Variants in IFT56 observed in about 807,000 individuals in gnomAD.
IFT56 encodes the protein intraflagellar transport 56.
At chr7:139,161,100 A>G in the IFT56 span, 1 of 1,312,222 alleles carries the variant, frequency 7.6e-7, no homozygotes, top group Non-Finnish European at 1.1e-6. Flanking sequence ...AAAGATTAAT[A>G]AAAGGAGATG....
At chr7:139,150,863 T>C in the IFT56 span, among the ~76,000 whole-genome samples, 2 of 152,224 alleles carry the variant, frequency 1.3e-5, no homozygotes, top group Non-Finnish European at 2.9e-5. Context: ...AATGCAGATC[T>C]CAAACTTTTG....
chr7:139,183,430 TG>T, the IFT56 span, among the ~76,000 whole-genome samples: 1 of 152,154 alleles, frequency 6.6e-6, no homozygotes, highest in Non-Finnish European at 1.5e-5. Context: ...CTTCCTTTTG[TG>T]GGGATCACAC....
chr7:139,172,740 G>A, the IFT56 span: 1 of 630,996 alleles, frequency 1.6e-6, no homozygotes, highest in African/African-American at 1.8e-5. Context: ...ATGTAAGAGG[G>A]TGGAAGCGGC....
At chr7:139,139,590 G>C in the IFT56 span, among the ~76,000 whole-genome samples, 1 of 152,170 alleles carries the variant, frequency 6.6e-6, no homozygotes, top group Non-Finnish European at 1.5e-5. Flanking sequence ...GTCTTTTTAA[G>C]TTAGCAGAAA....
chr7:139,143,836 T>G, the IFT56 span, among the ~76,000 whole-genome samples: 1 of 152,122 alleles, frequency 6.6e-6, no homozygotes, highest in Admixed American at 6.5e-5. Context: ...TTGCTAGTTA[T>G]GTACATTGGG....
At chr7:139,147,358 G>C in the IFT56 span, 1 of 1,353,418 alleles carries the variant, frequency 7.4e-7, no homozygotes, top group Non-Finnish European at 1.0e-6. Flanking sequence ...ACTAGTTTGA[G>C]AATCTAGTGT....
At chr7:139,178,459 T>TG in the IFT56 span, 1 of 1,515,820 alleles carries the variant, frequency 6.6e-7, no homozygotes, top group Non-Finnish European at 9.2e-7. Context: ...GTATAACTGA[T>TG]GGTTATATTT....
At chr7:139,173,011 G>A in the IFT56 span, 9 of 726,558 alleles carry the variant, frequency 1.2e-5, no homozygotes, top group Admixed American at 7.1e-5. Flanking sequence ...GTCACAGTTG[G>A]TGGTGTGGCT....
At chr7:139,134,662 C>A in the IFT56 span, 1 of 1,606,122 alleles carries the variant, frequency 6.2e-7, no homozygotes. Flanking sequence ...CAGATGCTTT[C>A]AAGGGCCAAA....
At chr7:139,157,139 CTTTT>C in the IFT56 span, among the ~76,000 whole-genome samples, 12 of 82,146 alleles carry the variant, frequency 1.5e-4, no homozygotes, top group East Asian at 3.4e-4. Context: ...TCTTTAATTT[CTTTT>C]TTTTTTTTTT....
chr7:139,190,885 T>C, the IFT56 span: 1 of 152,186 alleles, frequency 6.6e-6, no homozygotes, highest in East Asian at 1.9e-4. Flanking sequence ...TAGAAGAGAA[T>C]AGATGGGAAG....
At chr7:139,137,246 G>C in the IFT56 span, among the ~76,000 whole-genome samples, 1 of 152,084 alleles carries the variant, frequency 6.6e-6, no homozygotes, top group African/African-American at 2.4e-5. Context: ...ATAAATATTT[G>C]TTCACAATGG....
the IFT56 span, among the ~76,000 whole-genome samples, chr7:139,167,437 A>T: frequency 6.6e-6 from 1 of 152,208 alleles, no homozygotes; most frequent in Non-Finnish European, 1.5e-5. Flanking sequence ...AGCTTCTTTC[A>T]TGCTGTTCTT....
chr7:139,170,467 G>A, the IFT56 span, among the ~76,000 whole-genome samples: 1 of 152,120 alleles, frequency 6.6e-6, no homozygotes, highest in East Asian at 1.9e-4. Flanking sequence ...CAAAATATTA[G>A]CAAACAGAAT....
chr7:139,146,946 C>T, the IFT56 span: 1 of 1,487,666 alleles, frequency 6.7e-7, no homozygotes, highest in Non-Finnish European at 9.0e-7. Flanking sequence ...CGTTGTCAAG[C>T]TATGCCTCCA....
the IFT56 span, chr7:139,174,285 CGT>C: frequency 7.0e-6 from 4 of 568,050 alleles, no homozygotes; most frequent in Non-Finnish European, 1.4e-5. Flanking sequence ...GACGGCAGGG[CGT>C]CCCACGGGAG....
At chr7:139,137,076 A>G in the IFT56 span, among the ~76,000 whole-genome samples, 10 of 152,206 alleles carry the variant, frequency 6.6e-5, no homozygotes, top group Non-Finnish European at 1.5e-4. Context: ...CTGAAATTCT[A>G]TAGTGATGCT....
the IFT56 span, among the ~76,000 whole-genome samples, chr7:139,142,552 T>TG: frequency 0.25 from 37,696 of 152,098 alleles, 8,442 homozygotes; most frequent in African/African-American, 0.57. Flanking sequence ...AAGTTTAGAC[T>TG]GGCATGATAG....
chr7:139,178,148 A>G, the IFT56 span: 6 of 1,128,392 alleles, frequency 5.3e-6, no homozygotes, highest in Non-Finnish European at 7.9e-6. Flanking sequence ...TAAATAACTC[A>G]AACTTCAGCT....
Sources: gnomAD v4.1 joint callset for allele counts (sites outside exome capture counted in the v4.1 genomes callset) on GRCh38, gnomAD v4.1.1 for gene constraint, MANE v1.5 for transcripts, NCBI Gene and HGNC (gene_info 2026-07-23, HGNC 2026-07-21) for gene names.